Variants in DROSHA observed in about 807,000 individuals in gnomAD.
DROSHA encodes ribonuclease 3.
DROSHA carries 56 observed loss-of-function variants against 181.9 expected under a neutral mutation model. The observed-to-expected ratio is 0.31, with a 90% confidence interval of 0.25 to 0.38. The LOEUF is 0.38. DROSHA is among the 10% of genes least tolerant of loss of function. DROSHA has a pLI of 1.00. For synonymous variants in DROSHA, 524 were observed against 591.2 expected (o/e 0.89, Z 1.65); for missense variants, 1,218 against 1,743.5 (o/e 0.70, Z 5.37).
chr5:31,434,331 A>G (rs1342275284), intron 25 of DROSHA, among the ~76,000 whole-genome samples: 1 of 152,238 alleles, frequency 6.6e-6, no homozygotes, highest in Non-Finnish European at 1.5e-5. Flanking sequence ...ACTTATTAAT[A>G]TGTATTTCCA....
At chr5:31,508,496 G>A (rs755298434) in intron 10 of DROSHA, 125 bp downstream of exon 10, 28 of 1,400,998 alleles carry the variant, frequency 2.0e-5, no homozygotes, top group Non-Finnish European at 2.3e-5. Context: ...AAATAGCTCT[G>A]AAGGACAAAA....
intron 20 of DROSHA, among the ~76,000 whole-genome samples, chr5:31,461,715 CT>C: frequency 6.6e-6 from 1 of 150,540 alleles, no homozygotes; most frequent in East Asian, 1.9e-4. Context: ...CACTAGTTTA[CT>C]TTTGCCGTTT....
rs1740660177 is a variant in DROSHA at position 31,526,897 on chromosome 5, G to A, written c.36C>T (p.Phe12=). 1.2e-6 allele frequency: 2 copies of A among 1,612,674 alleles called. No homozygotes were observed. Among genetic ancestry groups the A allele is most frequent in the African/African-American group, 2.7e-5 (2 of 74,928 alleles). The change falls in exon 5 of 36, where the codon TTC becomes TTT. Residue 12 remains phenylalanine (F), a synonymous_variant. Coordinates refer to ENST00000344624, the MANE Select transcript of DROSHA (RefSeq NM_001382508.1). ...CTCGGGGACACCCTCGTCCCGGGTG[G>A]AACGACATTCTGTGACTTCATGGCA... ...MQGNTCHRMS[F]HPGRGCPRGR...
chr5:31,464,729 C>T (rs73746804), intron 19 of DROSHA, among the ~76,000 whole-genome samples: 2,075 of 151,766 alleles, frequency 0.014, 53 homozygotes, highest in African/African-American at 0.048. Flanking sequence ...AATTAACCTG[C>T]GACCCACATA....
intron 6 of DROSHA, among the ~76,000 whole-genome samples, chr5:31,520,223 GT>G (rs143016879): frequency 0.023 from 3,565 of 152,146 alleles, 124 homozygotes; most frequent in African/African-American, 0.081. Context: ...TTTTTAAACG[GT>G]TTTAAATTTT....
At chr5:31,441,052 AAAAG>A (rs2150008436) in intron 23 of DROSHA, among the ~76,000 whole-genome samples, 1 of 152,250 alleles carries the variant, frequency 6.6e-6, no homozygotes, top group Non-Finnish European at 1.5e-5. Flanking sequence ...GGAAATGAAA[AAAAG>A]AGAGAGAGAA....
Position 31,464,340 on chromosome 5 carries a change from C to T in DROSHA, c.2470G>A (p.Ala824Thr). ...TTCTTCTGCCGTATTTTTTGGAGGG[C>T]TTCCTAGAAAAGAATTCATTATGAT... is the stretch of plus-strand genomic sequence containing the variant. ...DKQKLAQREEALQKIRQKNTM... is the reference protein window; with the variant it reads ...DKQKLAQREETLQKIRQKNTM... Residue 824 changes from alanine to threonine, a missense_variant, in exon 20 of 36, where the codon GCC becomes ACC. Physicochemically the swap from Ala to Thr is moderately conservative, Grantham distance 58. Coordinates refer to ENST00000344624, the MANE Select transcript of DROSHA (RefSeq NM_001382508.1). The T allele has an allele frequency of 6.2e-7, 1 of 1,612,596 alleles. No individual in the cohort carries two copies. Among genetic ancestry groups the T allele is most frequent in the Non-Finnish European group, 8.5e-7 (1 of 1,179,268 alleles).
intron 25 of DROSHA, among the ~76,000 whole-genome samples, chr5:31,435,122 G>A (rs929211100): frequency 2.0e-5 from 3 of 152,200 alleles, no homozygotes; most frequent in Admixed American, 2.0e-4. Context: ...GTAAGAGGAG[G>A]AGTGTGGACT....
intron 14 of DROSHA, among the ~76,000 whole-genome samples, chr5:31,485,995 T>C (rs1032365775): frequency 1.3e-5 from 2 of 152,230 alleles, no homozygotes; most frequent in African/African-American, 4.8e-5. Flanking sequence ...TAATCTTCCT[T>C]TGGAATTTTA....
chr5:31,508,616 C>A lies in DROSHA; in HGVS notation c.1587+5G>T. Reference sequence around the variant, plus strand: ...CCTTCACAGCAAGGGCATAAAAACACGCACCTGGCCTGGATCGTTGTACCA... The same window carrying A: ...CCTTCACAGCAAGGGCATAAAAACAAGCACCTGGCCTGGATCGTTGTACCA... On this transcript the variant is annotated splice_donor_5th_base_variant and intron_variant, in intron 10 of 35. Transcript: ENST00000344624. The A allele has an allele frequency of 6.2e-7, 1 of 1,613,914 alleles. No homozygotes were observed. The highest frequency in any genetic ancestry group is 1.7e-5 in the Admixed American group (1 of 60,020).
intron 20 of DROSHA, among the ~76,000 whole-genome samples, chr5:31,462,230 A>G (rs1039808713): frequency 6.6e-6 from 1 of 152,162 alleles, no homozygotes; most frequent in East Asian, 1.9e-4. Flanking sequence ...AACAATTTAC[A>G]TGCTTTATCA....
intron 20 of DROSHA, among the ~76,000 whole-genome samples, chr5:31,456,267 T>C (rs1010024235): frequency 6.6e-6 from 1 of 152,058 alleles, no homozygotes; most frequent in African/African-American, 2.4e-5. Flanking sequence ...TAAGAAATAA[T>C]TAAACATTCT....
At chr5:31,473,592 C>T (rs935470261) in intron 16 of DROSHA, among the ~76,000 whole-genome samples, 3 of 152,084 alleles carry the variant, frequency 2.0e-5, no homozygotes, top group African/African-American at 7.2e-5. Flanking sequence ...TAGAAAGAGA[C>T]AATATAAAAG....
At chr5:31,473,885 G>C (rs1024314195) in intron 16 of DROSHA, among the ~76,000 whole-genome samples, 4 of 152,196 alleles carry the variant, frequency 2.6e-5, no homozygotes, top group Admixed American at 2.6e-4. Context: ...CAGCAGGGAA[G>C]TCAGATCTTA....
At position 31,526,462 on chromosome 5, in the gene DROSHA, A is replaced by AG; in HGVS notation, c.470dup (p.Pro158SerfsTer8). The AG allele has an allele frequency of 1.1e-6, 1 of 889,992 alleles. No homozygotes were observed. The highest frequency in any genetic ancestry group is 1.6e-6 in the Non-Finnish European group (1 of 626,568). The allele number at this position is 889,992 out of a possible 1,614,324, so 55.1% of individuals were successfully genotyped here. On this transcript the variant is annotated frameshift_variant, in exon 5 of 36. Transcript: ENST00000344624. LOFTEE classifies it high-confidence loss of function. ...AATTAACCTGCTGCGGCATGACTGGAGGGGGCGGGGGATGAGGCATGGAGG... is the reference window on the plus strand; with the variant it reads ...AATTAACCTGCTGCGGCATGACTGGAGGGGGGCGGGGGATGAGGCATGGAGG...
intron 8 of DROSHA, among the ~76,000 whole-genome samples, chr5:31,513,505 C>T (rs906712213): frequency 7.9e-5 from 12 of 152,168 alleles, no homozygotes; most frequent in Admixed American, 2.0e-4. Flanking sequence ...CATTCAGGCA[C>T]CGTAAAGTGC....
chr5:31,528,560 A>G (rs974443399), intron 4 of DROSHA, among the ~76,000 whole-genome samples: 12 of 152,198 alleles, frequency 7.9e-5, no homozygotes, highest in African/African-American at 2.9e-4. Context: ...AATAAAAAAT[A>G]AACAAAAAAT....
chr5:31,422,873 T>G lies in DROSHA; in HGVS notation c.3333A>C (p.Glu1111Asp). ...GAGTAAAAATTACTCCAATTGCTTC[T>G]TCAAACTCAGTAAGTTTTTGTAGAA... Reference protein sequence around the residue: ...SPVLQKLTEFEEAIGVIFTHV... With the variant: ...SPVLQKLTEFDEAIGVIFTHV... The change falls in exon 29 of 36, where the codon GAA (glutamate) becomes GAC (aspartate). Residue 1111 changes from glutamate (E) to aspartate (D), a missense_variant. Physicochemically the swap from Glu to Asp is conservative, Grantham distance 45 (BLOSUM62 2). Coordinates refer to ENST00000344624, the MANE Select transcript of DROSHA (RefSeq NM_001382508.1). 1 of 1,613,472 alleles carries G rather than the reference T, an allele frequency of 6.2e-7. No homozygotes were observed. Among genetic ancestry groups the G allele is most frequent in the Non-Finnish European group, 8.5e-7 (1 of 1,179,706 alleles).
chr5:31,515,677 AT>A, intron 6 of DROSHA, 113 bp from the exon 7 acceptor site: 2 of 1,409,852 alleles, frequency 1.4e-6, no homozygotes, highest in Non-Finnish European at 1.9e-6. Context: ...GGAAAAAAAG[AT>A]TTTAAGACTT....
Sources: gnomAD v4.1 joint callset for allele counts (sites outside exome capture counted in the v4.1 genomes callset) on GRCh38, gnomAD v4.1.1 for gene constraint, MANE v1.5 for transcripts, NCBI Gene and HGNC (gene_info 2026-07-23, HGNC 2026-07-21) for gene names.